Variants in OR51B5 observed in about 807,000 individuals in gnomAD.
The protein encoded by OR51B5 is olfactory receptor 51B5.
For missense variants in OR51B5, 456 were observed against 374.6 expected (o/e 1.22, Z -1.79); for synonymous variants, 186 against 144.8 (o/e 1.28, Z -2.04).
intron 1 of OR51B5, chr11:5,354,993 T>A (rs1849165811): frequency 6.2e-6 from 1 of 161,296 alleles, no homozygotes; most frequent in Non-Finnish European, 1.4e-5. Context: ...AGAAAGGTGA[T>A]GTGCTCTGGG....
chr11:5,389,779 C>T lies in OR51B5; in HGVS notation n.85-42869G>A, dbSNP rs776328978. On this transcript the variant is annotated intron_variant and non_coding_transcript_variant, in intron 1 of 4. Transcript: ENST00000415970. ...TTTCCTTCATGGAGTCCTCAGTGCT[C>T]CTCATGATGTCCTTTGACCGCCTTG... is the stretch of plus-strand genomic sequence containing the variant. 6.2e-6 allele frequency: 10 copies of T among 1,613,846 alleles called. No homozygotes were observed. The East Asian group carries it at 2.0e-4, about 32-fold the overall frequency.
upstream of OR51B5, among the ~76,000 whole-genome samples, chr11:5,344,523 G>C (rs371151687): frequency 1.3e-5 from 2 of 152,056 alleles, no homozygotes; most frequent in Non-Finnish European, 2.9e-5. Context: ...CTGCTTAAAC[G>C]TGGTGCTGTC....
intron 1 of OR51B5, chr11:5,468,714 T>C: frequency 2.2e-6 from 1 of 456,454 alleles, no homozygotes. Context: ...GTCTTAAGCC[T>C]CTCACCCCTG....
At chr11:5,400,665 G>C (rs1286984665) in intron 1 of OR51B5, among the ~76,000 whole-genome samples, 1 of 152,172 alleles carries the variant, frequency 6.6e-6, no homozygotes, top group African/African-American at 2.4e-5. Flanking sequence ...TAAGACTTCA[G>C]CATAGGTGAC....
At chr11:5,363,392 C>A (rs1849317207) in intron 1 of OR51B5, among the ~76,000 whole-genome samples, 1 of 145,840 alleles carries the variant, frequency 6.9e-6, no homozygotes, top group African/African-American at 2.5e-5. Flanking sequence ...GTGTTGAGTA[C>A]ATGATCCTAA....
intron 1 of OR51B5, among the ~76,000 whole-genome samples, chr11:5,426,529 T>C (rs1850452869): frequency 6.6e-6 from 1 of 152,008 alleles, no homozygotes; most frequent in African/African-American, 2.4e-5. Context: ...ATAGGTGAAA[T>C]CTGTTAGACT....
chr11:5,446,063 T>C (rs772805448), intron 1 of OR51B5, among the ~76,000 whole-genome samples: 6 of 151,850 alleles, frequency 4.0e-5, no homozygotes, highest in Non-Finnish European at 8.8e-5. Context: ...AATGAGAACA[T>C]TTGGACACAA....
intron 1 of OR51B5, among the ~76,000 whole-genome samples, chr11:5,417,460 CA>C (rs1345072631): frequency 6.6e-6 from 1 of 151,182 alleles, no homozygotes; most frequent in African/African-American, 2.4e-5. Flanking sequence ...TTCTGCGCAG[CA>C]AAAGAAACTA....
intron 1 of OR51B5, among the ~76,000 whole-genome samples, chr11:5,416,471 A>C (rs1564806407): frequency 6.6e-6 from 1 of 151,996 alleles, no homozygotes; most frequent in Non-Finnish European, 1.5e-5. Context: ...CAATTAGGAA[A>C]AGAGGAAGTC....
chr11:5,374,102 C>T (rs573179015), intron 1 of OR51B5, among the ~76,000 whole-genome samples: 1 of 152,134 alleles, frequency 6.6e-6, no homozygotes. Context: ...AGACTGACAC[C>T]TCACACGGCC....
At chr11:5,400,494 A>C (rs923756932) in intron 1 of OR51B5, among the ~76,000 whole-genome samples, 5 of 151,922 alleles carry the variant, frequency 3.3e-5, no homozygotes, top group African/African-American at 9.7e-5. Flanking sequence ...CTTAGCCTGG[A>C]AATTTTCTAC....
At position 5,471,635 on chromosome 11, in the gene OR51B5, C is replaced by CAAAA. The variant is rs34498667; in HGVS notation, n.84+33930_84+33933dup. On this transcript the variant is annotated intron_variant and non_coding_transcript_variant, in intron 1 of 4. Coordinates refer to the OR51B5 transcript ENST00000415970. ...TGGGTGACAGAGCAAGACTCTGTCT[C>CAAAA]AAAAAAAAAAAAAAAATTGATCAAA... is the stretch of plus-strand genomic sequence containing the variant. Among the ~76,000 whole-genome samples the CAAAA allele has an allele frequency of 8.5e-3, 1,062 of 124,278 alleles. 20 individuals carry two copies. The highest frequency in any genetic ancestry group is 0.029 in the African/African-American group (930 of 32,372). 81.5% of individuals were successfully genotyped at this position (124,278 alleles called of 152,430 possible). A position where few individuals can be genotyped will look rare whatever the true frequency, so the allele number is the denominator to read the frequency against.
intron 1 of OR51B5, among the ~76,000 whole-genome samples, chr11:5,484,922 A>G (rs1590023282): frequency 6.6e-6 from 1 of 152,238 alleles, no homozygotes; most frequent in Non-Finnish European, 1.5e-5. Context: ...CATGTTATAC[A>G]GTATCAATAT....
intron 1 of OR51B5, among the ~76,000 whole-genome samples, chr11:5,352,800 TTATATATATTTAA>T (rs1389821373): frequency 6.8e-6 from 1 of 146,952 alleles, no homozygotes; most frequent in Non-Finnish European, 1.5e-5. Flanking sequence ...CCATACACTA[TTATATATATTTAA>T]TATATATAAT....
chr11:5,403,406 G>T (rs1442091807), intron 1 of OR51B5: 1 of 471,212 alleles, frequency 2.1e-6, no homozygotes, highest in Non-Finnish European at 4.4e-6. Flanking sequence ...GACATCGTGT[G>T]TCCCCTCTGC....
intron 1 of OR51B5, among the ~76,000 whole-genome samples, chr11:5,378,208 G>A (rs1040490149): frequency 4.0e-4 from 60 of 151,870 alleles, no homozygotes; most frequent in African/African-American, 1.2e-3. Context: ...CAAGAAATGG[G>A]GAAAGGATTC....
At chr11:5,504,995 A>AC (rs1339600547) in intron 1 of OR51B5, among the ~76,000 whole-genome samples, 1 of 152,224 alleles carries the variant, frequency 6.6e-6, no homozygotes, top group African/African-American at 2.4e-5. Flanking sequence ...AGACTTTTAG[A>AC]CCCAATTCAC....
chr11:5,428,678 A>G (rs763578808), intron 1 of OR51B5, among the ~76,000 whole-genome samples: 1 of 152,240 alleles, frequency 6.6e-6, no homozygotes, highest in Non-Finnish European at 1.5e-5. Flanking sequence ...GATTGACACC[A>G]TCTTGCTTCT....
intron 1 of OR51B5, among the ~76,000 whole-genome samples, chr11:5,413,321 C>T (rs1400944068): frequency 2.0e-5 from 3 of 151,988 alleles, no homozygotes; most frequent in African/African-American, 7.3e-5. Context: ...GTAGATAAAA[C>T]CACAAAGATG....
Sources: gnomAD v4.1 joint callset for allele counts (sites outside exome capture counted in the v4.1 genomes callset) on GRCh38, gnomAD v4.1.1 for gene constraint, MANE v1.5 for transcripts, NCBI Gene and HGNC (gene_info 2026-07-23, HGNC 2026-07-21) for gene names.